ZBTB20: variants seen among roughly 807,000 people sequenced by gnomAD.
The protein encoded by ZBTB20 is zinc finger and BTB domain containing 20.
A neutral mutation model predicts 56.9 loss-of-function variants in ZBTB20; 9 were observed. The observed-to-expected ratio is 0.16, with a 90% CI of 0.10 to 0.28. ZBTB20 has a LOEUF of 0.28. Ranked by LOEUF, ZBTB20 falls within the 10% of genes least tolerant of loss-of-function variation. The probability of loss-of-function intolerance (pLI) is 1.00; values close to 1 mark genes in which losing one functional copy is unlikely to be tolerated. For missense variants in ZBTB20, 655 were observed against 1,003.0 expected (o/e 0.65, Z 4.69); for synonymous variants, 417 against 420.7 (o/e 0.99, Z 0.11).
At chr3:114,618,802 G>T (rs1323295284) in intron 6 of ZBTB20, among the ~76,000 whole-genome samples, 2 of 152,106 alleles carry the variant, frequency 1.3e-5, no homozygotes, top group Admixed American at 1.3e-4. Flanking sequence ...ATTCACTATT[G>T]AAAGGAACAG....
intron 4 of ZBTB20, among the ~76,000 whole-genome samples, chr3:114,825,832 C>G (rs1031175269): frequency 4.0e-5 from 6 of 151,728 alleles, no homozygotes; most frequent in African/African-American, 1.4e-4. Flanking sequence ...CACTGAAAGT[C>G]AGTATGTAGA....
intron 6 of ZBTB20, among the ~76,000 whole-genome samples, chr3:114,654,881 A>T (rs2060310125): frequency 6.6e-6 from 1 of 152,186 alleles, no homozygotes; most frequent in South Asian, 2.1e-4. Context: ...CACACATATG[A>T]TTAGGAAATA....
intron 4 of ZBTB20, among the ~76,000 whole-genome samples, chr3:114,815,800 GT>G (rs2072874286): frequency 6.6e-6 from 1 of 152,090 alleles, no homozygotes; most frequent in Non-Finnish European, 1.5e-5. Flanking sequence ...TAATATGGAG[GT>G]TAGAAGTAGC....
chr3:114,371,562 C>T (rs961939084), intron 10 of ZBTB20, among the ~76,000 whole-genome samples: 5 of 152,098 alleles, frequency 3.3e-5, no homozygotes, highest in African/African-American at 1.2e-4. Flanking sequence ...TATAAAACTG[C>T]GTCCTGCACA....
intron 4 of ZBTB20, among the ~76,000 whole-genome samples, chr3:114,842,095 A>T (rs2074408833): frequency 6.6e-6 from 1 of 152,164 alleles, no homozygotes; most frequent in Admixed American, 6.6e-5. Context: ...GGGCAACAGG[A>T]CTTCTTGAAG....
chr3:114,607,442 A>G (rs2057255378), intron 6 of ZBTB20, among the ~76,000 whole-genome samples: 1 of 151,680 alleles, frequency 6.6e-6, no homozygotes, highest in Non-Finnish European at 1.5e-5. Context: ...AGCTGGGATT[A>G]CAGGCATGCA....
At chr3:114,800,910 T>C (rs1374203582) in intron 5 of ZBTB20, among the ~76,000 whole-genome samples, 191 bp downstream of exon 5, 1 of 151,738 alleles carries the variant, frequency 6.6e-6, no homozygotes, top group Non-Finnish European at 1.5e-5. Flanking sequence ...CAATTTAGGT[T>C]GGATAAAAAA....
chr3:114,489,509 G>C (rs1465854396), intron 7 of ZBTB20, among the ~76,000 whole-genome samples: 2 of 151,956 alleles, frequency 1.3e-5, no homozygotes, highest in African/African-American at 2.4e-5. Flanking sequence ...ATTATACCAG[G>C]AAGTATTTAT....
At chr3:114,698,590 G>C (rs952219811) in intron 5 of ZBTB20, among the ~76,000 whole-genome samples, 1 of 152,068 alleles carries the variant, frequency 6.6e-6, no homozygotes, top group Non-Finnish European at 1.5e-5. Context: ...CAACCACTAA[G>C]GTGAGAAAGA....
chr3:115,117,972 C>T (rs2084069325), intron 1 of ZBTB20, among the ~76,000 whole-genome samples: 1 of 152,100 alleles, frequency 6.6e-6, no homozygotes, highest in Non-Finnish European at 1.5e-5. Flanking sequence ...AAGTCAAAGC[C>T]TGGATTTGAA....
chr3:114,892,564 G>A (rs1314602219), intron 4 of ZBTB20, among the ~76,000 whole-genome samples: 1 of 152,182 alleles, frequency 6.6e-6, no homozygotes, highest in Non-Finnish European at 1.5e-5. Context: ...ATGTGGCTAG[G>A]TTGGAAGGGG....
At chr3:114,480,865 ATAT>A (rs2041465094) in intron 7 of ZBTB20, among the ~76,000 whole-genome samples, 1 of 151,900 alleles carries the variant, frequency 6.6e-6, no homozygotes, top group African/African-American at 2.4e-5. Flanking sequence ...GTTTTCTGTA[ATAT>A]TATCATTTTC....
intron 2 of ZBTB20, among the ~76,000 whole-genome samples, chr3:115,036,735 A>T (rs115476020): frequency 0.01 from 1,594 of 152,110 alleles, 18 homozygotes; most frequent in African/African-American, 0.031. Flanking sequence ...TTTAAATGTG[A>T]CCTGCCCCAC....
At chr3:114,885,452 T>A (rs2076567047) in intron 4 of ZBTB20, among the ~76,000 whole-genome samples, 2 of 152,208 alleles carry the variant, frequency 1.3e-5, no homozygotes, top group South Asian at 2.1e-4. Context: ...TCTCTCGGTC[T>A]TCTAGTTCAG....
intron 6 of ZBTB20, among the ~76,000 whole-genome samples, chr3:114,631,759 T>A (rs1560063130): frequency 6.6e-6 from 1 of 152,182 alleles, no homozygotes; most frequent in Non-Finnish European, 1.5e-5. Flanking sequence ...GGTCCTATAT[T>A]GTTCTACTCT....
chr3:114,361,796 T>C (rs2081917385), intron 10 of ZBTB20, among the ~76,000 whole-genome samples: 1 of 152,110 alleles, frequency 6.6e-6, no homozygotes, highest in African/African-American at 2.4e-5. Context: ...GTTGGGGTAA[T>C]TGCTTGGCAC....
In ZBTB20 at chr3:115,108,093, C is replaced by T. The variant is rs142692604; in HGVS notation, c.-702-36679G>A. Among the ~76,000 whole-genome samples the T allele has an allele frequency of 2.5e-3, 374 of 151,368 alleles. 1 individual carries two copies. The highest frequency in any genetic ancestry group is 8.3e-3 in the African/African-American group (340 of 41,196). ...AGATGCAGCAAACCATGATGGCACA[C>T]GTATACCTATGTAACAAATGTAGAG... On this transcript the variant is annotated intron_variant, in intron 1 of 11. Transcript: ENST00000675478.
At chr3:114,365,602 CAAG>C (rs60824128) in intron 10 of ZBTB20, among the ~76,000 whole-genome samples, 25 of 152,264 alleles carry the variant, frequency 1.6e-4, no homozygotes, top group Non-Finnish European at 3.5e-4. Flanking sequence ...AAAGATGAAA[CAAG>C]GAGGAGGATG....
At chr3:114,601,820 G>C (rs971324702) in intron 6 of ZBTB20, among the ~76,000 whole-genome samples, 12 of 151,958 alleles carry the variant, frequency 7.9e-5, no homozygotes, top group African/African-American at 2.9e-4. Flanking sequence ...CAGATTATTT[G>C]GTTTGTGAAA....
Sources: gnomAD v4.1 joint callset for allele counts (sites outside exome capture counted in the v4.1 genomes callset) on GRCh38, gnomAD v4.1.1 for gene constraint, MANE v1.5 for transcripts, NCBI Gene and HGNC (gene_info 2026-07-23, HGNC 2026-07-21) for gene names.